The following PRM2 variants were observed in gnomAD, a reference collection of about 807,000 sequenced individuals.
PRM2 encodes protamine-2.
PRM2 carries 6 observed loss-of-function variants against 10.7 expected under a neutral mutation model. That is an observed-to-expected ratio of 0.56 (90% CI 0.31 to 1.11). The LOEUF is 1.11. Ranked by LOEUF, PRM2 falls within the 50% of genes least tolerant of loss-of-function variation. The pLI, the probability that PRM2 is intolerant of heterozygous loss-of-function variation, is 0.06. For missense variants in PRM2, 194 were observed against 147.7 expected (o/e 1.31, Z -1.62); for synonymous variants, 64 against 54.8 (o/e 1.17, Z -0.74).
chr16:11,276,403 G>A lies in PRM2; in HGVS notation c.-33C>T. 6.2e-7 allele frequency: 1 copy of A among 1,613,032 alleles called. No individual in the cohort carries two copies. The highest frequency in any genetic ancestry group is 2.2e-5 in the East Asian group (1 of 44,830). ...GGAGATCTGGTGGCTCCTGGGCTGA[G>A]GCTGCAGTGGGCCCTGGAGTAGGGG... On this transcript the variant is annotated 5_prime_UTR_variant, in exon 1 of 2. Transcript: ENST00000241808.
Position 11,275,788 on chromosome 16 carries a change from A to C in PRM2, c.*112T>G. The C allele has an allele frequency of 6.3e-7, 1 of 1,583,804 alleles. No individual in the cohort carries two copies. Among genetic ancestry groups the C allele is most frequent in the Non-Finnish European group, 8.6e-7 (1 of 1,166,008 alleles). On this transcript the variant is annotated 3_prime_UTR_variant, in exon 2 of 2. Transcript: ENST00000241808. ...TTTCTTGGGCAGGTGACTTTCTCTT[A>C]ACTTCCAGCTGGGGGCTTGAGCATT...
chr16:11,275,728 T>A lies in PRM2; in HGVS notation c.*172A>T. The A allele has an allele frequency of 2.7e-6, 4 of 1,477,372 alleles. No homozygotes were observed. The highest frequency in any genetic ancestry group is 3.7e-6 in the Non-Finnish European group (4 of 1,084,098). The allele number at this position is 1,477,372 out of a possible 1,614,324, so 91.5% of individuals were successfully genotyped here. ...CGGCGGCAACTCAGGGCTTGAGCAT[T>A]TGATGTAGGGGAGTTGCTATGGCCT... On this transcript the variant is annotated 3_prime_UTR_variant, in exon 2 of 2. Coordinates refer to ENST00000241808, the MANE Select transcript of PRM2 (RefSeq NM_002762.4).
chr16:11,275,690 C>G lies in PRM2; in HGVS notation c.*210G>C. Reference sequence around the variant, plus strand: ...TGACTTTTGCTCGTTTCACTCAGATCTTGTGGGCTTCTCGGCGGCAACTCA... The same window carrying G: ...TGACTTTTGCTCGTTTCACTCAGATGTTGTGGGCTTCTCGGCGGCAACTCA... On this transcript the variant is annotated 3_prime_UTR_variant, in exon 2 of 2. Transcript: ENST00000241808. The G allele has an allele frequency of 8.2e-7, 1 of 1,226,588 alleles. No individual in the cohort carries two copies. Among genetic ancestry groups the G allele is most frequent in the Non-Finnish European group, 1.1e-6 (1 of 872,602 alleles). The allele number at this position is 1,226,588 out of a possible 1,614,324, so 76.0% of individuals were successfully genotyped here.
At position 11,276,142 on chromosome 16, in the gene PRM2, G is replaced by A. The variant is rs751084554; in HGVS notation, c.229C>T (p.Arg77Cys). The A allele has an allele frequency of 1.7e-5, 28 of 1,613,298 alleles. No homozygotes were observed. Among genetic ancestry groups the A allele is most frequent in the South Asian group, 3.3e-5 (3 of 91,096 alleles). ...HRRQHRSCRR[R>C]KRRSCRHRRR... is the part of the protein sequence containing the mutation. ...CGGTGCCTGCAGGAGCGTCTTTTGC[G>A]CCTTCTGCAGGAGCGATGCTGCCGC... The change falls in exon 1 of 2, where the codon CGC becomes TGC. Residue 77 changes from arginine (R) to cysteine (C), a missense_variant. Physicochemically the swap from Arg to Cys is radical, Grantham distance 180. Transcript: ENST00000241808.
At position 11,275,824 on chromosome 16, in the gene PRM2, G is replaced by A. The variant is rs773932972; in HGVS notation, c.*76C>T. ...GGGGGCTTGAGCATTTGATGTAGGGGAATTGCTATGGCCTCACTTGGTGTT... is the reference window on the plus strand; with the variant it reads ...GGGGGCTTGAGCATTTGATGTAGGGAAATTGCTATGGCCTCACTTGGTGTT... On this transcript the variant is annotated 3_prime_UTR_variant, in exon 2 of 2. Coordinates refer to ENST00000241808, the MANE Select transcript of PRM2 (RefSeq NM_002762.4). The A allele has an allele frequency of 3.6e-5, 58 of 1,608,734 alleles. No individual in the cohort carries two copies. Among genetic ancestry groups the A allele is most frequent in the Middle Eastern group, 1.7e-4 (1 of 6,002 alleles).
In PRM2 at chr16:11,275,749, G is replaced by A; in HGVS notation, c.*151C>T. ...GCATTTGATGTAGGGGAGTTGCTAT[G>A]GCCTCACTCGGTGTTTCTTGGGCAG... On this transcript the variant is annotated 3_prime_UTR_variant, in exon 2 of 2. Coordinates refer to ENST00000241808, the MANE Select transcript of PRM2 (RefSeq NM_002762.4). 1.3e-6 allele frequency: 2 copies of A among 1,528,696 alleles called. No homozygotes were observed. The highest frequency in any genetic ancestry group is 1.8e-6 in the Non-Finnish European group (2 of 1,125,394). The allele number at this position is 1,528,696 out of a possible 1,614,324, so 94.7% of individuals were successfully genotyped here. A position where few individuals can be genotyped will look rare whatever the true frequency, so the allele number is the denominator to read the frequency against.
chr16:11,275,710 A>C lies in PRM2; in HGVS notation c.*190T>G, dbSNP rs2069843984. On this transcript the variant is annotated 3_prime_UTR_variant, in exon 2 of 2. Coordinates refer to ENST00000241808, the MANE Select transcript of PRM2 (RefSeq NM_002762.4). Reference sequence around the variant, plus strand: ...CAGATCTTGTGGGCTTCTCGGCGGCAACTCAGGGCTTGAGCATTTGATGTA... The same window carrying C: ...CAGATCTTGTGGGCTTCTCGGCGGCCACTCAGGGCTTGAGCATTTGATGTA... 1 of 1,397,658 alleles carries C rather than the reference A, an allele frequency of 7.2e-7. No individual in the cohort carries two copies. 86.6% of individuals were successfully genotyped at this position (1,397,658 alleles called of 1,614,324 possible). A position where few individuals can be genotyped will look rare whatever the true frequency, so the allele number is the denominator to read the frequency against.
chr16:11,275,975 A>G (rs2141144272), intron 1 of PRM2, 38 bp from the exon 2 acceptor site: 1 of 1,551,332 alleles, frequency 6.4e-7, no homozygotes, highest in Non-Finnish European at 8.8e-7. Context: ...GGGGTCACCT[A>G]GGGACTCTGG....
chr16:11,276,310 A>T lies in PRM2; in HGVS notation c.61T>A (p.Leu21Met). ...TGGTGTCCTTGCTCTTGCCCATGCA[A>T]CTGCTGCCTGTACACCTCGTGCGAG... ...ERSHEVYRQQ[L>M]HGQEQGHHGQ... The change falls in exon 1 of 2, where the codon TTG becomes ATG. Residue 21 changes from leucine (L) to methionine (M), a missense_variant. Physicochemically the swap from Leu to Met is conservative, Grantham distance 15. Coordinates refer to ENST00000241808, the MANE Select transcript of PRM2 (RefSeq NM_002762.4). 6.2e-7 allele frequency: 1 copy of T among 1,614,170 alleles called. No individual in the cohort carries two copies. The highest frequency in any genetic ancestry group is 8.5e-7 in the Non-Finnish European group (1 of 1,180,024).
Position 11,275,645 on chromosome 16 carries a change from G to C in PRM2, c.*255C>G. 2.4e-6 allele frequency: 2 copies of C among 834,808 alleles called. No homozygotes were observed. Among genetic ancestry groups the C allele is most frequent in the South Asian group, 1.8e-5 (1 of 56,654 alleles). 51.7% of individuals were successfully genotyped at this position (834,808 alleles called of 1,614,324 possible). Reference sequence around the variant, plus strand: ...AACCCGACAGGCCAGCGAGTGTCTTGTCAAGCTTTATTGGGCAGGTGACTT... The same window carrying C: ...AACCCGACAGGCCAGCGAGTGTCTTCTCAAGCTTTATTGGGCAGGTGACTT... On this transcript the variant is annotated 3_prime_UTR_variant, in exon 2 of 2. Coordinates refer to ENST00000241808, the MANE Select transcript of PRM2 (RefSeq NM_002762.4).
At position 11,275,796 on chromosome 16, in the gene PRM2, G is replaced by A; in HGVS notation, c.*104C>T. 1 of 1,592,176 alleles carries A rather than the reference G, an allele frequency of 6.3e-7. No individual in the cohort carries two copies. The highest frequency in any genetic ancestry group is 1.8e-5 in the Admixed American group (1 of 54,496). On this transcript the variant is annotated 3_prime_UTR_variant, in exon 2 of 2. Coordinates refer to ENST00000241808, the MANE Select transcript of PRM2 (RefSeq NM_002762.4). ...GCAGGTGACTTTCTCTTAACTTCCA[G>A]CTGGGGGCTTGAGCATTTGATGTAG...
chr16:11,276,158 A>G lies in PRM2; in HGVS notation c.213T>C (p.His71=). The G allele has an allele frequency of 1.2e-6, 2 of 1,613,876 alleles. No individual in the cohort carries two copies. The highest frequency in any genetic ancestry group is 1.7e-6 in the Non-Finnish European group (2 of 1,180,016). Residue 71 remains histidine, a synonymous_variant, in exon 1 of 2, where the codon CAT becomes CAC. Transcript: ENST00000241808. The stretch of plus-strand genomic sequence containing the variant: ...GTCTTTTGCGCCTTCTGCAGGAGCG[A>G]TGCTGCCGCCTGTGGATCCGGTGCA... ...RRLHRIHRRQ[H]RSCRRRKRRS... is the part of the protein sequence containing the mutation.
Position 11,275,766 on chromosome 16 carries a change from C to T in PRM2, c.*134G>A. On this transcript the variant is annotated 3_prime_UTR_variant, in exon 2 of 2. Coordinates refer to ENST00000241808, the MANE Select transcript of PRM2 (RefSeq NM_002762.4). ...GTTGCTATGGCCTCACTCGGTGTTT[C>T]TTGGGCAGGTGACTTTCTCTTAACT... The T allele has an allele frequency of 2.6e-6, 4 of 1,559,834 alleles. No individual in the cohort carries two copies. In the East Asian group the frequency reaches 6.9e-5, roughly 27 times the overall value.
intron 1 of PRM2, 45 bp downstream of exon 1, chr16:11,276,055 G>T: frequency 6.2e-7 from 1 of 1,610,824 alleles, no homozygotes; most frequent in Non-Finnish European, 8.5e-7. Context: ...TCCTGTGCCT[G>T]GGGTGGTCAG....
At position 11,276,206 on chromosome 16, in the gene PRM2, G is replaced by A; in HGVS notation, c.165C>T (p.Arg55=). The A allele has an allele frequency of 5.0e-6, 8 of 1,614,210 alleles. No homozygotes were observed. The highest frequency in any genetic ancestry group is 5.9e-6 in the Non-Finnish European group (7 of 1,180,032). The change falls in exon 1 of 2, where the codon CGC becomes CGT. Residue 55 remains arginine, a synonymous_variant. Coordinates refer to ENST00000241808, the MANE Select transcript of PRM2 (RefSeq NM_002762.4). ...GCAGCCTCCTTCGAGAGCAGTGTCT[G>A]CGCCTATAGTGAGACTGGCCATGGG... The part of the protein sequence containing the change: ...ERTHGQSHYR[R]RHCSRRRLHR...
Position 11,275,915 on chromosome 16 carries a change from T to C in PRM2, c.294A>G (p.Thr98=). 1 of 1,614,066 alleles carries C rather than the reference T, an allele frequency of 6.2e-7. No individual in the cohort carries two copies. Among genetic ancestry groups the C allele is most frequent in the Non-Finnish European group, 8.5e-7 (1 of 1,179,992 alleles). The part of the protein sequence containing the change: ...HRRGCRTRKR[T]CRRH Reference sequence around the variant, plus strand: ...CCCAGGAAGCTTAGTGCCTTCTGCATGTTCTCTTCCTGGTTCTGCAGCCTT... The same window carrying C: ...CCCAGGAAGCTTAGTGCCTTCTGCACGTTCTCTTCCTGGTTCTGCAGCCTT... The change falls in exon 2 of 2, where the codon ACA becomes ACG. Residue 98 remains threonine, a synonymous_variant. Transcript: ENST00000241808.
chr16:11,276,100 C>T lies in PRM2; in HGVS notation c.271G>A (p.Gly91Ser), dbSNP rs1376477013. Residue 91 changes from glycine to serine, a missense_variant and splice_region_variant, in exon 1 of 2, where the codon GGC (glycine) becomes AGC (serine). Physicochemically the swap from Gly to Ser is moderately conservative, Grantham distance 56 (BLOSUM62 0). Coordinates refer to ENST00000241808, the MANE Select transcript of PRM2 (RefSeq NM_002762.4). The part of the protein sequence containing the change: ...SCRHRRRHRR[G>S]CRTRKRTCRR... ...GGGCAAGGCGGGGGCGCAGGCAGAC[C>T]TCTGCGATGCCTCCTCCGGTGCCTG... 7 of 1,610,798 alleles carry T rather than the reference C, an allele frequency of 4.3e-6. No individual in the cohort carries two copies. Among genetic ancestry groups the T allele is most frequent in the Non-Finnish European group, 5.1e-6 (6 of 1,179,794 alleles).
rs772862949 is a variant in PRM2 at position 11,276,185 on chromosome 16, C to A, written c.186G>T (p.Arg62Ser). Residue 62 changes from arginine to serine, a missense_variant, in exon 1 of 2, where the codon AGG (arginine) becomes AGT (serine). Coordinates refer to ENST00000241808, the MANE Select transcript of PRM2 (RefSeq NM_002762.4). ...HYRRRHCSRR[R>S]LHRIHRRQHR... ...GCTGCCGCCTGTGGATCCGGTGCAGCCTCCTTCGAGAGCAGTGTCTGCGCC... is the reference window on the plus strand; with the variant it reads ...GCTGCCGCCTGTGGATCCGGTGCAGACTCCTTCGAGAGCAGTGTCTGCGCC... 1.2e-6 allele frequency: 2 copies of A among 1,614,124 alleles called. No homozygotes were observed. The highest frequency in any genetic ancestry group is 1.7e-6 in the Non-Finnish European group (2 of 1,180,040).
chr16:11,276,102 C>A lies in PRM2; in HGVS notation c.269G>T (p.Arg90Ile). The A allele has an allele frequency of 1.2e-6, 2 of 1,610,962 alleles. No individual in the cohort carries two copies. The highest frequency in any genetic ancestry group is 1.7e-6 in the Non-Finnish European group (2 of 1,179,812). The change falls in exon 1 of 2, where the codon AGA becomes ATA. Residue 90 changes from arginine (R) to isoleucine (I), a missense_variant and splice_region_variant. By Grantham distance (97) the Arg-to-Ile change is moderately conservative. Transcript: ENST00000241808. ...RSCRHRRRHR[R>I]GCRTRKRTCR... ...GCAAGGCGGGGGCGCAGGCAGACCT[C>A]TGCGATGCCTCCTCCGGTGCCTGCA...
Sources: allele counts gnomAD v4.1 joint callset, GRCh38; gene constraint gnomAD v4.1.1; transcripts MANE v1.5; gene names NCBI Gene and HGNC (gene_info 2026-07-23, HGNC 2026-07-21).